Variants in TICRR observed in about 807,000 individuals in gnomAD.
The protein encoded by TICRR is TOPBP1 interacting checkpoint and replication regulator.
A neutral mutation model predicts 178.1 loss-of-function variants in TICRR; 132 were observed. That is an observed-to-expected ratio of 0.74 (90% confidence interval 0.64 to 0.86). The LOEUF (loss-of-function observed/expected upper bound fraction) is 0.86, where lower values mean the gene tolerates loss of function less well. Ranked by LOEUF, TICRR falls within the 40% of genes least tolerant of loss-of-function variation. The probability of loss-of-function intolerance (pLI) is 0.00; values close to 1 mark genes in which losing one functional copy is unlikely to be tolerated. For missense variants in TICRR, 2,587 were observed against 2,334.3 expected, an observed-to-expected ratio of 1.11 and a Z score of -2.23; for synonymous variants, 991 against 900.7, an observed-to-expected ratio of 1.10 and a Z score of -1.79.
intron 4 of TICRR, among the ~76,000 whole-genome samples, chr15:89,588,770 A>G (rs1463725974): frequency 6.6e-6 from 1 of 152,150 alleles, no homozygotes; most frequent in African/African-American, 2.4e-5. Flanking sequence ...AAGACTGAGT[A>G]GTACTGGAGA....
At chr15:89,582,575 A>T in intron 1 of TICRR, 111 bp from the exon 2 acceptor site, 1 of 983,902 alleles carries the variant, frequency 1.0e-6, no homozygotes, top group Non-Finnish European at 1.5e-6. Flanking sequence ...TTGGTTGTGT[A>T]ATTCGATCCT....
chr15:89,588,920 G>T (rs1567041692), intron 4 of TICRR, among the ~76,000 whole-genome samples: 2 of 152,114 alleles, frequency 1.3e-5, no homozygotes, highest in Non-Finnish European at 1.5e-5. Flanking sequence ...AGCAGGTAGA[G>T]GGAAAATGAT....
Position 89,617,946 on chromosome 15 carries a change from C to T in TICRR, c.2961-206C>T, listed in dbSNP as rs780373664. On this transcript the variant is annotated intron_variant, in intron 16 of 21. Transcript: ENST00000268138. ...ACCTCAAGTGATCCGCCCGCCTTAG[C>T]CTCCTAAGGTGCTGGGATTACAGGC... The T allele has an allele frequency of 1.3e-5, 8 of 598,870 alleles. No homozygotes were observed. The East Asian group carries it at 2.2e-4, about 16-fold the overall frequency. 37.1% of individuals were successfully genotyped at this position (598,870 alleles called of 1,614,324 possible).
intron 17 of TICRR, among the ~76,000 whole-genome samples, 196 bp from the exon 18 acceptor site, chr15:89,619,512 A>G (rs1175126785): frequency 6.6e-6 from 1 of 152,078 alleles, no homozygotes; most frequent in African/African-American, 2.4e-5. Flanking sequence ...GTGTTTTTTT[A>G]ATACCTTGTT....
At chr15:89,586,403 A>G (rs1482699489) in intron 4 of TICRR, among the ~76,000 whole-genome samples, 1 of 152,246 alleles carries the variant, frequency 6.6e-6, no homozygotes, top group South Asian at 2.1e-4. Flanking sequence ...TAATTCATTC[A>G]TTCATTCAAC....
intron 12 of TICRR, among the ~76,000 whole-genome samples, chr15:89,602,573 A>T (rs1963115775): frequency 6.6e-6 from 1 of 152,106 alleles, no homozygotes; most frequent in Non-Finnish European, 1.5e-5. Flanking sequence ...TTAGAGTTTC[A>T]GCTTTTTAAA....
chr15:89,576,815 GTGTGTGTATA>G (rs1567037939), intron 1 of TICRR, among the ~76,000 whole-genome samples: 67 of 106,838 alleles, frequency 6.3e-4, no homozygotes, highest in South Asian at 9.5e-4. Flanking sequence ...GTGTGTATGT[GTGTGTGTATA>G]TATATATATA....
At position 89,575,853 on chromosome 15, in the gene TICRR, C is replaced by T. The variant is rs1268344091; in HGVS notation, c.267C>T (p.His89=). 5 of 1,585,222 alleles carry T rather than the reference C, an allele frequency of 3.2e-6. No homozygotes were observed. Among genetic ancestry groups the T allele is most frequent in the African/African-American group, 1.3e-5 (1 of 74,388 alleles). The change falls in exon 1 of 22, where the codon CAC becomes CAT. Residue 89 remains histidine (H), a synonymous_variant. Transcript: ENST00000268138. ...ELEARLEDRA[H]LPGPAPRATH... ...AGGCCAGGCTCGAGGATCGCGCCCACCTGCCCGGCCCGGCGCCCAGGGCCA... is the reference window on the plus strand; with the variant it reads ...AGGCCAGGCTCGAGGATCGCGCCCATCTGCCCGGCCCGGCGCCCAGGGCCA...
At position 89,582,806 on chromosome 15, in the gene TICRR, C is replaced by A; in HGVS notation, c.775C>A (p.Leu259Met). The change falls in exon 2 of 22, where the codon CTG (leucine) becomes ATG (methionine). Residue 259 changes from leucine to methionine, a missense_variant. Physicochemically the swap from Leu to Met is conservative, Grantham distance 15. Coordinates refer to ENST00000268138, the MANE Select transcript of TICRR (RefSeq NM_152259.4). ...SWDFAQAGEM[L>M]LRSGIKLSSE... is the part of the protein sequence containing the mutation. The stretch of plus-strand genomic sequence containing the variant: ...GGATTTTGCTCAAGCTGGGGAAATG[C>A]TGCTCAGGAGTGGAATAAAGCTGTC... 6.2e-7 allele frequency: 1 copy of A among 1,614,162 alleles called. No individual in the cohort carries two copies. Among genetic ancestry groups the A allele is most frequent in the Non-Finnish European group, 8.5e-7 (1 of 1,180,024 alleles).
Position 89,624,303 on chromosome 15 carries a change from G to A in TICRR, c.3993G>A (p.Glu1331=), listed in dbSNP as rs1313267691. 1 of 1,614,062 alleles carries A rather than the reference G, an allele frequency of 6.2e-7. No individual in the cohort carries two copies. The highest frequency in any genetic ancestry group is 8.5e-7 in the Non-Finnish European group (1 of 1,180,050). The change falls in exon 20 of 22, where the codon GAG becomes GAA. Residue 1331 remains glutamate (E), a synonymous_variant. Coordinates refer to ENST00000268138, the MANE Select transcript of TICRR (RefSeq NM_152259.4). ...GTCCATTTAGGAAATCTAAAATAGAGTGTCCTTCCCCAGGAGAACTGGATC... is the reference window on the plus strand; with the variant it reads ...GTCCATTTAGGAAATCTAAAATAGAATGTCCTTCCCCAGGAGAACTGGATC... The part of the protein sequence containing the change: ...KKSPFRKSKI[E]CPSPGELDQK...
chr15:89,575,945 C>A lies in TICRR; in HGVS notation c.359C>A (p.Ser120Ter). The change falls in exon 1 of 22, where the codon TCG becomes TAG. Residue 120 changes from serine (S) to a stop codon, truncating the protein, a stop_gained. Coordinates refer to ENST00000268138, the MANE Select transcript of TICRR (RefSeq NM_152259.4). LOFTEE classifies it high-confidence loss of function. ...DYQWDRPEIT[S>*]PTKPILRSSG... ...CAGTGGGACCGGCCCGAGATCACGT[C>A]GCCCACGAAGCCGATCCTGCGGAGC... The A allele has an allele frequency of 6.3e-7, 1 of 1,598,804 alleles. No homozygotes were observed. Among genetic ancestry groups the A allele is most frequent in the Non-Finnish European group, 8.5e-7 (1 of 1,174,526 alleles).
chr15:89,593,459 C>T (rs903910978), intron 5 of TICRR, among the ~76,000 whole-genome samples: 2 of 152,150 alleles, frequency 1.3e-5, no homozygotes, highest in African/African-American at 4.8e-5. Flanking sequence ...AACCCCAGTA[C>T]TTTGGGAAGC....
At chr15:89,616,342 C>G (rs1963334764) in intron 15 of TICRR, 63 bp from the exon 16 acceptor site, 4 of 1,432,770 alleles carry the variant, frequency 2.8e-6, no homozygotes, top group Non-Finnish European at 3.9e-6. Context: ...CTCCCTTGGC[C>G]TTACTGCTGC....
At chr15:89,585,544 T>C (rs566044910) in intron 3 of TICRR, among the ~76,000 whole-genome samples, 164 bp from the exon 4 acceptor site, 13 of 152,322 alleles carry the variant, frequency 8.5e-5, no homozygotes, top group African/African-American at 2.9e-4. Flanking sequence ...GACTCTGTGA[T>C]TAATAAATTC....
rs1237793607 is a variant in TICRR, at chr15:89,584,278, A to G, written c.935-8A>G. On this transcript the variant is annotated splice_polypyrimidine_tract_variant and splice_region_variant and intron_variant, in intron 2 of 21. Transcript: ENST00000268138. ...TGGCATCCTGGTCTAATTAATCTTTATTTCTAGCAGGCAAAGAGATTCAAG... is the reference window on the plus strand; with the variant it reads ...TGGCATCCTGGTCTAATTAATCTTTGTTTCTAGCAGGCAAAGAGATTCAAG... 6.3e-7 allele frequency: 1 copy of G among 1,587,480 alleles called. No homozygotes were observed.
intron 16 of TICRR, 64 bp from the exon 17 acceptor site, chr15:89,618,088 G>T: frequency 6.6e-7 from 1 of 1,507,208 alleles, no homozygotes; most frequent in South Asian, 1.1e-5. Context: ...GAAGCTGCCT[G>T]TCTCCTTAAT....
intron 8 of TICRR, among the ~76,000 whole-genome samples, 172 bp from the exon 9 acceptor site, chr15:89,600,413 T>C (rs542476906): frequency 6.6e-6 from 1 of 152,346 alleles, no homozygotes; most frequent in South Asian, 2.1e-4. Flanking sequence ...AAATAACTTT[T>C]ACCATGTTCT....
At chr15:89,600,765 C>T (rs1332802540) in intron 9 of TICRR, 80 bp downstream of exon 9, 12 of 661,752 alleles carry the variant, frequency 1.8e-5, no homozygotes, top group Admixed American at 3.4e-5. Context: ...ATAGATTGTT[C>T]GTGACATGGT....
At position 89,625,603 on chromosome 15, in the gene TICRR, T is replaced by G; in HGVS notation, c.5293T>G (p.Trp1765Gly). Residue 1765 changes from tryptophan to glycine, a missense_variant, in exon 20 of 22, where the codon TGG (tryptophan) becomes GGG (glycine). By Grantham distance (184) the Trp-to-Gly change is radical (BLOSUM62 -2). Transcript: ENST00000268138. Reference sequence around the variant, plus strand: ...GCCTAAGGCCGAGGAAGCCTCTTCCTGGGGACAGTTTGGGTTGAGTTCCAG... The same window carrying G: ...GCCTAAGGCCGAGGAAGCCTCTTCCGGGGGACAGTTTGGGTTGAGTTCCAG... ...SMPKAEEASS[W>G]GQFGLSSRKR... is the part of the protein sequence containing the mutation. 6.2e-7 allele frequency: 1 copy of G among 1,613,144 alleles called. No individual in the cohort carries two copies. Among genetic ancestry groups the G allele is most frequent in the Non-Finnish European group, 8.5e-7 (1 of 1,180,002 alleles).
Sources: allele counts gnomAD v4.1 joint callset (sites outside exome capture counted in the v4.1 genomes callset), GRCh38; gene constraint gnomAD v4.1.1; transcripts MANE v1.5; gene names NCBI Gene and HGNC (gene_info 2026-07-23, HGNC 2026-07-21).